The following FBXL20 variants were observed in gnomAD, a reference collection of about 807,000 sequenced individuals.
FBXL20 encodes F-box and leucine rich repeat protein 20, also known as F-box/LRR-repeat protein 20.
FBXL20 carries 11 observed loss-of-function variants against 64.0 expected under a neutral mutation model. The ratio of observed to expected loss-of-function variants is 0.17; its 90% confidence interval spans 0.11 to 0.28. The LOEUF (loss-of-function observed/expected upper bound fraction) is 0.28, where lower values mean the gene tolerates loss of function less well. FBXL20 is among the 10% of genes least tolerant of loss of function. FBXL20 has a pLI of 1.00. For synonymous variants in FBXL20, 184 were observed against 189.0 expected, an observed-to-expected ratio of 0.97 and a Z score of 0.22; for missense variants, 303 against 526.2, an observed-to-expected ratio of 0.58 and a Z score of 4.15.
At chr17:39,284,576 G>T (rs756133313) in intron 7 of FBXL20, among the ~76,000 whole-genome samples, 2 of 151,832 alleles carry the variant, frequency 1.3e-5, no homozygotes, top group African/African-American at 2.4e-5. Context: ...TAGAGACAGG[G>T]TTTCCCTATG....
At chr17:39,401,736 G>T, upstream of FBXL20, 1 of 1,099,436 alleles carries the variant, frequency 9.1e-7, no homozygotes, top group South Asian at 3.6e-5. Context: ...GGGAGGGGCG[G>T]GAGGGGAGGA....
Position 39,401,575 on chromosome 17 carries a change from C to G in FBXL20, c.-173G>C. 7.1e-7 allele frequency: 1 copy of G among 1,404,760 alleles called. No individual in the cohort carries two copies. Among genetic ancestry groups the G allele is most frequent in the Non-Finnish European group, 9.2e-7 (1 of 1,087,830 alleles). The allele number at this position is 1,404,760 out of a possible 1,614,324, so 87.0% of individuals were successfully genotyped here. The stretch of plus-strand genomic sequence containing the variant: ...GGCTCCGGCTAGGCCTCCACCACCT[C>G]CCGCGGCGCCGGCGGCCGCAACGAC... On this transcript the variant is annotated 5_prime_UTR_variant, in exon 1 of 15. Coordinates refer to ENST00000264658, the MANE Select transcript of FBXL20 (RefSeq NM_032875.3).
chr17:39,265,418 G>T lies in FBXL20; in HGVS notation c.969C>A (p.His323Gln). The change falls in exon 13 of 15, where the codon CAC (histidine) becomes CAA (glutamine). Residue 323 changes from histidine (H) to glutamine (Q), a missense_variant. Physicochemically the swap from His to Gln is conservative, Grantham distance 24. Transcript: ENST00000264658. The stretch of plus-strand genomic sequence containing the variant: ...TCACCAATACTTGAAGTCGAGGACA[G>T]TGTATAGAAAGTTGGATTAATGTGC... Reference protein sequence around the residue: ...TDSTLIQLSIHCPRLQVLSLS... With the variant: ...TDSTLIQLSIQCPRLQVLSLS... 6.2e-7 allele frequency: 1 copy of T among 1,611,764 alleles called. No homozygotes were observed.
chr17:39,387,617 T>C (rs2048095331), intron 1 of FBXL20, among the ~76,000 whole-genome samples: 1 of 147,678 alleles, frequency 6.8e-6, no homozygotes, highest in Non-Finnish European at 1.5e-5. Flanking sequence ...TCACTCTGTC[T>C]TCCAGGCTGG....
At chr17:39,270,721 G>A (rs2046836184) in intron 11 of FBXL20, 75 bp downstream of exon 11, 1 of 1,276,894 alleles carries the variant, frequency 7.8e-7, no homozygotes, top group South Asian at 1.3e-5. Flanking sequence ...TTCCCTTGCT[G>A]CTTGTTCTTC....
At chr17:39,343,708 T>G (rs2047604669) in intron 1 of FBXL20, among the ~76,000 whole-genome samples, 1 of 151,456 alleles carries the variant, frequency 6.6e-6, no homozygotes. Context: ...TTTTTTTTTT[T>G]TTTTTGAGAC....
Position 39,285,953 on chromosome 17 carries a change from C to T in FBXL20, c.399-380G>A, listed in dbSNP as rs180996477. On this transcript the variant is annotated intron_variant, in intron 6 of 14. Coordinates refer to ENST00000264658, the MANE Select transcript of FBXL20 (RefSeq NM_032875.3). ...GACGTAGTCAAACATGAAGAAGAAA[C>T]GCTCTGCATGTTTTTTCACTTAAAT... Among the ~76,000 whole-genome samples, 11 of 152,304 alleles carry T rather than the reference C, an allele frequency of 7.2e-5. No homozygotes were observed. In the East Asian group the frequency reaches 7.7e-4, roughly 11 times the overall value.
In FBXL20 at chr17:39,334,491, A is replaced by G. The variant is rs541772061; in HGVS notation, c.104+8689T>C. Among the ~76,000 whole-genome samples the G allele has an allele frequency of 1.1e-3, 168 of 149,408 alleles. 4 individuals are homozygous for G. The South Asian group carries it at 0.034, about 30-fold the overall frequency. ...TAAATACTAAAAAAATTAAAAAAAA[A>G]AAAATTCGAAAAAAAAATTCAGCTA... On this transcript the variant is annotated intron_variant, in intron 2 of 14. Transcript: ENST00000264658.
chr17:39,356,421 T>A (rs749318783), intron 1 of FBXL20, among the ~76,000 whole-genome samples: 1 of 151,972 alleles, frequency 6.6e-6, no homozygotes, highest in East Asian at 1.9e-4. Flanking sequence ...AGTGGCACAA[T>A]CATGGCTCAC....
chr17:39,313,661 GT>G (rs2047257774), intron 2 of FBXL20, among the ~76,000 whole-genome samples: 1 of 150,194 alleles, frequency 6.7e-6, no homozygotes, highest in Non-Finnish European at 1.5e-5. Flanking sequence ...TTGAGACGGA[GT>G]TTTGCTCTTG....
chr17:39,259,798 A>C lies in FBXL20; in HGVS notation c.*1662T>G, dbSNP rs2046728702. ...CAGGAGTTCAAGACCAGGCTGGCCA[A>C]CATGTGAAACCCCATCTCTACTAAA... On this transcript the variant is annotated 3_prime_UTR_variant, in exon 15 of 15. Coordinates refer to ENST00000264658, the MANE Select transcript of FBXL20 (RefSeq NM_032875.3). The C allele has an allele frequency of 6.6e-6, 1 of 152,076 alleles. No homozygotes were observed. The highest frequency in any genetic ancestry group is 1.5e-5 in the Non-Finnish European group (1 of 68,094). The allele number at this position is 152,076 out of a possible 1,614,324, so 9.4% of individuals were successfully genotyped here.
intron 1 of FBXL20, among the ~76,000 whole-genome samples, chr17:39,364,478 G>A (rs895193915): frequency 2.6e-5 from 4 of 152,144 alleles, no homozygotes; most frequent in African/African-American, 7.2e-5. Context: ...GCGTGGTGGT[G>A]CACACCTGCA....
chr17:39,309,817 TAAAG>T (rs2047216115), intron 2 of FBXL20, among the ~76,000 whole-genome samples: 1 of 125,732 alleles, frequency 8.0e-6, no homozygotes, highest in South Asian at 2.6e-4. Flanking sequence ...AAAAGAAAAA[TAAAG>T]AAAAGAGAAA....
At chr17:39,279,348 A>T (rs2046928048) in intron 9 of FBXL20, among the ~76,000 whole-genome samples, 1 of 151,714 alleles carries the variant, frequency 6.6e-6, no homozygotes, top group Non-Finnish European at 1.5e-5. Context: ...AAAATTAAAA[A>T]ATTAGCCAGG....
At chr17:39,294,944 G>A (rs1437321564) in intron 6 of FBXL20, among the ~76,000 whole-genome samples, 2 of 152,162 alleles carry the variant, frequency 1.3e-5, no homozygotes, top group Non-Finnish European at 2.9e-5. Context: ...ACTCCAACCT[G>A]GGCAACAGGG....
intron 3 of FBXL20, among the ~76,000 whole-genome samples, chr17:39,302,620 G>A (rs1426535465): frequency 5.3e-5 from 8 of 152,074 alleles, no homozygotes; most frequent in African/African-American, 1.2e-4. Flanking sequence ...TGATCTGCCC[G>A]CCTGGGCCTC....
Position 39,282,700 on chromosome 17 carries a change from A to T in FBXL20, c.621+29T>A, listed in dbSNP as rs773497532. ...TCATGATTCATTCACGATTCTTCCG[A>T]ATTTCACGAGCCCTACATGGAGTAT... On this transcript the variant is annotated intron_variant, in intron 8 of 14. Transcript: ENST00000264658. 1.9e-6 allele frequency: 3 copies of T among 1,613,854 alleles called. No homozygotes were observed. In the South Asian group the frequency reaches 3.3e-5, roughly 18 times the overall value.
Position 39,256,511 on chromosome 17 carries a change from G to C in FBXL20, c.*4949C>G, listed in dbSNP as rs1205395102. ...GGACTTGGCTAATTCACAGTGCCTG[G>C]GTTTGAGGTGGCTAAAGATTCTAGG... On this transcript the variant is annotated 3_prime_UTR_variant, in exon 15 of 15. Coordinates refer to ENST00000264658, the MANE Select transcript of FBXL20 (RefSeq NM_032875.3). The C allele has an allele frequency of 1.3e-5, 2 of 151,954 alleles. No individual in the cohort carries two copies. Among genetic ancestry groups the C allele is most frequent in the Non-Finnish European group, 2.9e-5 (2 of 68,018 alleles). The allele number at this position is 151,954 out of a possible 1,614,324, so 9.4% of individuals were successfully genotyped here. A position where few individuals can be genotyped will look rare whatever the true frequency, so the allele number is the denominator to read the frequency against.
intron 5 of FBXL20, among the ~76,000 whole-genome samples, chr17:39,298,095 A>C (rs1032880048): frequency 6.6e-6 from 1 of 152,042 alleles, no homozygotes. Context: ...TTTTAAATTA[A>C]AAAAATAAAT....
Sources: allele counts gnomAD v4.1 joint callset (sites outside exome capture counted in the v4.1 genomes callset), GRCh38; gene constraint gnomAD v4.1.1; transcripts MANE v1.5; gene names NCBI Gene and HGNC (gene_info 2026-07-23, HGNC 2026-07-21).